Variants in ANTXRL observed in about 807,000 individuals in gnomAD.
ANTXRL encodes ANTXR like.
Under a neutral mutation model 75.4 loss-of-function variants are expected in ANTXRL, and 63 were observed. The ratio of observed to expected loss-of-function variants is 0.84; its 90% CI spans 0.68 to 1.03. The LOEUF is 1.03. Among genes scored for constraint, ANTXRL ranks in the 50% least tolerant of loss-of-function variants. The pLI is 0.00. For synonymous variants in ANTXRL, 335 were observed against 291.3 expected (o/e 1.15, Z -1.53); for missense variants, 797 against 789.4 (o/e 1.01, Z -0.12).
intron 13 of ANTXRL, 117 bp downstream of exon 13, chr10:46,309,319 A>C: frequency 1.3e-6 from 2 of 1,501,754 alleles, no homozygotes; most frequent in Non-Finnish European, 1.8e-6. Context: ...CTCAGCTCCC[A>C]GCTCATCACG....
chr10:46,306,584 T>C (rs1838100083), intron 10 of ANTXRL, among the ~76,000 whole-genome samples: 1 of 152,112 alleles, frequency 6.6e-6, no homozygotes. Flanking sequence ...AGGTGAGTCC[T>C]TGAGAGCAGG....
intron 14 of ANTXRL, 56 bp from the exon 15 acceptor site, chr10:46,311,454 G>GGCCAGCACTGTGCCCT (rs1332273143): frequency 1.3e-6 from 2 of 1,481,594 alleles, no homozygotes; most frequent in East Asian, 2.5e-5. Flanking sequence ...ATCTGGGAGT[G>GGCCAGCACTGTGCCCT]GCCAGCACTG....
intron 6 of ANTXRL, 25 bp downstream of exon 6, chr10:46,297,353 C>G: frequency 1.3e-6 from 2 of 1,536,132 alleles, no homozygotes; most frequent in South Asian, 2.4e-5. Context: ...TACTTACCAG[C>G]ATTTTGCTCC....
At position 46,298,034 on chromosome 10, in the gene ANTXRL, G is replaced by C. The variant is rs1282047005; in HGVS notation, c.768G>C (p.Ser256=). ...CAAAGGTCTGTCTTGATGTGACATC[G>C]GTGGAGCCTTCCTCTGAGTGTGTAG... The part of the protein sequence containing the change: ...LTSKVCLDVT[S]VEPSSECVGE... Residue 256 remains serine, a synonymous_variant, in exon 9 of 17, where the codon TCG becomes TCC. Transcript: ENST00000620264. 6.5e-7 allele frequency: 1 copy of C among 1,535,916 alleles called. No homozygotes were observed. Among genetic ancestry groups the C allele is most frequent in the Non-Finnish European group, 8.7e-7 (1 of 1,146,718 alleles).
chr10:46,304,567 CTT>C (rs1338137509), intron 10 of ANTXRL, among the ~76,000 whole-genome samples: 1 of 152,044 alleles, frequency 6.6e-6, no homozygotes, highest in African/African-American at 2.4e-5. Flanking sequence ...TTTGCAAAGT[CTT>C]TTGTGATATT....
At chr10:46,321,120 C>T (rs1004602276) in intron 16 of ANTXRL, among the ~76,000 whole-genome samples, 23 of 152,126 alleles carry the variant, frequency 1.5e-4, no homozygotes, top group African/African-American at 5.3e-4. Context: ...TCTTTGGGAA[C>T]GTAGACACTG....
chr10:46,325,454 T>C (rs1839168807), intron 16 of ANTXRL, among the ~76,000 whole-genome samples: 2 of 152,018 alleles, frequency 1.3e-5, no homozygotes, highest in Non-Finnish European at 2.9e-5. Context: ...GCCTTTTGGG[T>C]TTTTTCTTGC....
rs567727265 is a variant in ANTXRL at position 46,314,741 on chromosome 10, G to A, written c.1410+1425G>A. 2.2e-4 allele frequency among the ~76,000 whole-genome samples: 34 copies of A among 151,940 alleles called. No homozygotes were observed. The East Asian group carries it at 4.5e-3, about 20-fold the overall frequency. ...TGTCATCATGTGAAGTCCACCTTGC[G>A]ATTCTTGGAAAAGGAGAGACAATCC... On this transcript the variant is annotated intron_variant, in intron 16 of 16. Coordinates refer to ENST00000620264, the MANE Select transcript of ANTXRL (RefSeq NM_001278688.3).
At chr10:46,286,726 A>T (rs1590311065), upstream of ANTXRL, among the ~76,000 whole-genome samples, 1 of 151,754 alleles carries the variant, frequency 6.6e-6, no homozygotes, top group African/African-American at 2.4e-5. Flanking sequence ...CACACAAATA[A>T]CCTCCCATTG....
At position 46,311,645 on chromosome 10, in the gene ANTXRL, G is replaced by T. The variant is rs782569970; in HGVS notation, c.1309G>T (p.Gly437Cys). Residue 437 changes from glycine to cysteine, a missense_variant, in exon 15 of 17, where the codon GGC becomes TGC. Gly to Cys is a radical substitution (Grantham distance 159). Coordinates refer to ENST00000620264, the MANE Select transcript of ANTXRL (RefSeq NM_001278688.3). ...IICCCGCQGV[G>C]GMRRIEGNLD... ...TTGTTGCTGTGGATGCCAAGGAGTGGGCGGGATGAGAAGGATAGAGGTGAG... is the reference window on the plus strand; with the variant it reads ...TTGTTGCTGTGGATGCCAAGGAGTGTGCGGGATGAGAAGGATAGAGGTGAG... The T allele has an allele frequency of 2.8e-5, 33 of 1,174,430 alleles. No homozygotes were observed. The highest frequency in any genetic ancestry group is 2.6e-4 in the South Asian group (20 of 76,912). The allele number at this position is 1,174,430 out of a possible 1,614,324, so 72.8% of individuals were successfully genotyped here.
Position 46,330,038 on chromosome 10 carries a change from C to A in ANTXRL, c.1850C>A (p.Thr617Lys). The A allele has an allele frequency of 1.3e-6, 2 of 1,531,154 alleles. No individual in the cohort carries two copies. The highest frequency in any genetic ancestry group is 1.7e-6 in the Non-Finnish European group (2 of 1,143,618). 94.8% of individuals were successfully genotyped at this position (1,531,154 alleles called of 1,614,324 possible). A position where few individuals can be genotyped will look rare whatever the true frequency, so the allele number is the denominator to read the frequency against. The change falls in exon 17 of 17, where the codon ACG (threonine) becomes AAG (lysine). Residue 617 changes from threonine to lysine, a missense_variant. Coordinates refer to ENST00000620264, the MANE Select transcript of ANTXRL (RefSeq NM_001278688.3). Reference protein sequence around the residue: ...LPLLSPLLRHTAEPPLSLPPS... With the variant: ...LPLLSPLLRHKAEPPLSLPPS... ...CTGCTGTCCCCACTGCTCAGGCACA[C>A]GGCAGAACCCCCTTTGTCACTCCCC...
chr10:46,287,298 G>A lies in ANTXRL; in HGVS notation c.36G>A (p.Leu12=), dbSNP rs1836803398. 6.5e-7 allele frequency: 1 copy of A among 1,535,924 alleles called. No homozygotes were observed. Among genetic ancestry groups the A allele is most frequent in the African/African-American group, 1.4e-5 (1 of 73,116 alleles). Residue 12 remains leucine (L), a synonymous_variant, in exon 1 of 17, where the codon CTG becomes CTA. Coordinates refer to ENST00000620264, the MANE Select transcript of ANTXRL (RefSeq NM_001278688.3). ...ATGAGTCCCTGGGGCCCTACTTCCT[G>A]GTCTTCCTGCTGCTGCTGCTGCTTC... The part of the protein sequence containing the change: ...GSHESLGPYF[L]VFLLLLLLPP...
chr10:46,299,622 C>T (rs1163228157), intron 9 of ANTXRL, among the ~76,000 whole-genome samples: 1 of 152,164 alleles, frequency 6.6e-6, no homozygotes, highest in Non-Finnish European at 1.5e-5. Flanking sequence ...TTCCTCACTG[C>T]AGGGTGTCCT....
At chr10:46,295,970 T>G in intron 3 of ANTXRL, 49 bp from the exon 4 acceptor site, 1 of 1,471,032 alleles carries the variant, frequency 6.8e-7, no homozygotes, top group East Asian at 2.5e-5. Flanking sequence ...AGCTGATTTT[T>G]AACAGTCAAT....
Position 46,306,888 on chromosome 10 carries a change from A to G in ANTXRL, c.965+16A>G. Reference sequence around the variant, plus strand: ...AACCTGGAGAGTAAGTGCCCCTGGCAGGAGGCTAGAGGGCAAGAGACCAGG... The same window carrying G: ...AACCTGGAGAGTAAGTGCCCCTGGCGGGAGGCTAGAGGGCAAGAGACCAGG... On this transcript the variant is annotated intron_variant, in intron 11 of 16. Transcript: ENST00000620264. 1 of 1,514,956 alleles carries G rather than the reference A, an allele frequency of 6.6e-7. No homozygotes were observed. 93.8% of individuals were successfully genotyped at this position (1,514,956 alleles called of 1,614,324 possible).
At chr10:46,289,434 A>C (rs1278744548) in intron 1 of ANTXRL, among the ~76,000 whole-genome samples, 1 of 152,202 alleles carries the variant, frequency 6.6e-6, no homozygotes, top group Non-Finnish European at 1.5e-5. Context: ...TTGCGTATTG[A>C]AACTCTATTC....
At chr10:46,304,800 T>C (rs1379076720) in intron 10 of ANTXRL, among the ~76,000 whole-genome samples, 2 of 152,124 alleles carry the variant, frequency 1.3e-5, no homozygotes, top group African/African-American at 4.8e-5. Context: ...CGATCTGCCT[T>C]CTGCCTCCCT....
intron 3 of ANTXRL, among the ~76,000 whole-genome samples, chr10:46,294,835 C>T (rs1837270281): frequency 1.6e-5 from 2 of 124,958 alleles, no homozygotes; most frequent in East Asian, 2.0e-4. Context: ...CTGGGCTGGG[C>T]AGGCAGGGCT....
intron 16 of ANTXRL, among the ~76,000 whole-genome samples, chr10:46,318,630 G>C (rs1184630107): frequency 6.6e-6 from 1 of 152,066 alleles, no homozygotes; most frequent in Non-Finnish European, 1.5e-5. Context: ...AAAACAAGAG[G>C]CTGACAAAAT....
Sources: gnomAD v4.1 joint callset for allele counts (sites outside exome capture counted in the v4.1 genomes callset) on GRCh38, gnomAD v4.1.1 for gene constraint, MANE v1.5 for transcripts, NCBI Gene and HGNC (gene_info 2026-07-23, HGNC 2026-07-21) for gene names.